The following DARS1 variants were observed in gnomAD, a reference collection of about 807,000 sequenced individuals.
The protein encoded by DARS1 is aspartyl-tRNA synthetase 1, also known as aspartate--tRNA ligase, cytoplasmic.
A neutral mutation model predicts 68.8 loss-of-function variants in DARS1; 51 were observed. That is an observed-to-expected ratio of 0.74 (90% confidence interval 0.59 to 0.94). The LOEUF is 0.94. Ranked by LOEUF, DARS1 falls within the 40% of genes least tolerant of loss-of-function variation. DARS1 has a pLI of 0.00. For synonymous variants in DARS1, 203 were observed against 190.4 expected (o/e 1.07, Z -0.55); for missense variants, 607 against 597.3 (o/e 1.02, Z -0.17).
Position 135,911,175 on chromosome 2 carries a change from G to A in DARS1, c.1378C>T (p.Arg460Cys), listed in dbSNP as rs150724981. The change falls in exon 15 of 16, where the codon CGC (arginine) becomes TGC (cysteine). Residue 460 changes from arginine to cysteine, a missense_variant. Physicochemically the swap from Arg to Cys is radical, Grantham distance 180. Coordinates refer to ENST00000264161, the MANE Select transcript of DARS1 (RefSeq NM_001349.4). ...CCAGCATGAGGAGGGGCTCCAAAGC[G>A]GAAGGAATCAATGTAAGCCTTAATT... Reference protein sequence around the residue: ...EKIKAYIDSFRFGAPPHAGGG... With the variant: ...EKIKAYIDSFCFGAPPHAGGG... 3.2e-5 allele frequency: 49 copies of A among 1,550,778 alleles called. No individual in the cohort carries two copies. The highest frequency in any genetic ancestry group is 1.7e-4 in the Middle Eastern group (1 of 5,920).
chr2:135,984,274 G>A (rs1006171637), intron 1 of DARS1, among the ~76,000 whole-genome samples: 9 of 151,998 alleles, frequency 5.9e-5, no homozygotes, highest in African/African-American at 2.2e-4. Context: ...TATCTGTAAG[G>A]GTACACTGAT....
intron 3 of DARS1, among the ~76,000 whole-genome samples, chr2:135,973,010 T>G (rs983336739): frequency 1.3e-5 from 2 of 152,220 alleles, no homozygotes; most frequent in African/African-American, 2.4e-5. Flanking sequence ...TAGAACAGTT[T>G]GGAGGTTCCT....
chr2:135,972,613 G>C (rs1250488176), intron 3 of DARS1, among the ~76,000 whole-genome samples: 1 of 152,044 alleles, frequency 6.6e-6, no homozygotes, highest in Non-Finnish European at 1.5e-5. Flanking sequence ...CACAGTAAAG[G>C]TAACAATCAA....
chr2:135,923,737 G>C (rs1326254986), intron 8 of DARS1, among the ~76,000 whole-genome samples: 1 of 152,166 alleles, frequency 6.6e-6, no homozygotes, highest in East Asian at 1.9e-4. Context: ...ATAAGAATTA[G>C]CCAGGCGTGG....
intron 3 of DARS1, among the ~76,000 whole-genome samples, chr2:135,974,336 G>A (rs309156): frequency 1.3e-5 from 2 of 152,258 alleles, no homozygotes; most frequent in South Asian, 2.1e-4. Context: ...GTGAATTTGC[G>A]AATATGCAGT....
At chr2:135,943,335 A>C in intron 5 of DARS1, 43 bp downstream of exon 5, 1 of 1,590,700 alleles carries the variant, frequency 6.3e-7, no homozygotes, top group Non-Finnish European at 8.6e-7. Flanking sequence ...ATTAGAACCC[A>C]AATCTATTTC....
At chr2:135,921,712 C>A (rs535197714) in intron 9 of DARS1, among the ~76,000 whole-genome samples, 29 of 152,178 alleles carry the variant, frequency 1.9e-4, no homozygotes, top group South Asian at 8.3e-4. Flanking sequence ...TCAACAATAC[C>A]CAGGACTTGT....
rs948266940 is a variant in DARS1 at position 135,985,507 on chromosome 2, G to T, written c.-39C>A. ...TGGGCAGTGGACACCACCCTCCCTC[G>T]CAGGCTTCCGTAAGGCAGGCCAAAG... On this transcript the variant is annotated 5_prime_UTR_variant, in exon 1 of 16. Coordinates refer to ENST00000264161, the MANE Select transcript of DARS1 (RefSeq NM_001349.4). The T allele has an allele frequency of 1.2e-6, 2 of 1,613,818 alleles. No homozygotes were observed. Among genetic ancestry groups the T allele is most frequent in the South Asian group, 1.1e-5 (1 of 91,040 alleles).
chr2:135,938,769 T>C (rs1037530739), intron 5 of DARS1, among the ~76,000 whole-genome samples: 12 of 151,966 alleles, frequency 7.9e-5, no homozygotes, highest in African/African-American at 2.9e-4. Flanking sequence ...CAGACCCATC[T>C]CACATGCAGA....
chr2:135,922,884 C>T lies in DARS1; in HGVS notation c.711G>A (p.Val237=). Reference sequence around the variant, plus strand: ...GGTATGCATTATTTTTAAAATATGACACAGTAAAAACATTGGCTCCTCCTT... The same window carrying T: ...GGTATGCATTATTTTTAAAATATGATACAGTAAAAACATTGGCTCCTCCTT... ...ASEGGANVFT[V]SYFKNNAYLA... Residue 237 remains valine (V), a synonymous_variant, in exon 9 of 16, where the codon GTG becomes GTA. Coordinates refer to ENST00000264161, the MANE Select transcript of DARS1 (RefSeq NM_001349.4). The T allele has an allele frequency of 6.4e-7, 1 of 1,572,314 alleles. No homozygotes were observed. Among genetic ancestry groups the T allele is most frequent in the Non-Finnish European group, 8.6e-7 (1 of 1,160,470 alleles).
intron 4 of DARS1, among the ~76,000 whole-genome samples, chr2:135,954,410 C>T (rs141501098): frequency 2.0e-5 from 3 of 148,924 alleles, no homozygotes; most frequent in Non-Finnish European, 4.4e-5. Context: ...ACAGTATTTA[C>T]ACCTCATGGG....
chr2:135,907,238 C>CTTTTTTTTTTTTTTTT lies in DARS1; in HGVS notation c.*77_*78insAAAAAAAAAAAAAAAA, dbSNP rs869183598. ...AGGTTACTGAAAAGAATAAGTGTGG[C>CTTTTTTTTTTTTTTTT]TTTCTTTTTTTTTTTTTTTTTTTGA... On this transcript the variant is annotated 3_prime_UTR_variant, in exon 16 of 16. Coordinates refer to ENST00000264161, the MANE Select transcript of DARS1 (RefSeq NM_001349.4). The CTTTTTTTTTTTTTTTT allele has an allele frequency of 1.1e-5, 8 of 725,360 alleles. No homozygotes were observed. The highest frequency in any genetic ancestry group is 1.2e-5 in the Non-Finnish European group (6 of 491,920). 44.9% of individuals were successfully genotyped at this position (725,360 alleles called of 1,614,324 possible).
chr2:135,907,350 A>G lies in DARS1; in HGVS notation c.1472T>C (p.Met491Thr), dbSNP rs1429962651. 1.9e-6 allele frequency: 3 copies of G among 1,609,096 alleles called. No homozygotes were observed. The highest frequency in any genetic ancestry group is 1.3e-5 in the African/African-American group (1 of 74,366). Residue 491 changes from methionine to threonine, a missense_variant, in exon 16 of 16, where the codon ATG (methionine) becomes ACG (threonine). Physicochemically the swap from Met to Thr is moderately conservative, Grantham distance 81 (BLOSUM62 -1). Coordinates refer to ENST00000264161, the MANE Select transcript of DARS1 (RefSeq NM_001349.4). The part of the protein sequence containing the change: ...LGLHNVRQTS[M>T]FPRDPKRLTP ...GAGTCGTTTGGGATCACGAGGGAAC[A>G]TGGAGGTCTGACGAACATTATGCAA...
chr2:135,952,209 A>G (rs775689152), intron 4 of DARS1, among the ~76,000 whole-genome samples: 8 of 152,134 alleles, frequency 5.3e-5, no homozygotes, highest in Non-Finnish European at 1.0e-4. Context: ...GCACCACTGC[A>G]CTCCAGCCTT....
At chr2:135,923,956 C>A (rs761540615) in intron 8 of DARS1, among the ~76,000 whole-genome samples, 21 of 151,980 alleles carry the variant, frequency 1.4e-4, no homozygotes, top group Non-Finnish European at 2.6e-4. Flanking sequence ...GGTGGAGGTT[C>A]GGTGAGCCGA....
intron 3 of DARS1, among the ~76,000 whole-genome samples, chr2:135,964,835 C>A: frequency 8.9e-6 from 1 of 112,130 alleles, no homozygotes; most frequent in Admixed American, 1.0e-4. Context: ...AGCAAGACTC[C>A]ACCTCAAAAA....
At chr2:135,936,176 C>G (rs1054081214) in intron 5 of DARS1, among the ~76,000 whole-genome samples, 1 of 152,138 alleles carries the variant, frequency 6.6e-6, no homozygotes, top group Admixed American at 6.5e-5. Context: ...AGTGATAAAG[C>G]AAAGTCACTA....
chr2:135,984,398 T>C (rs947675534), intron 1 of DARS1, among the ~76,000 whole-genome samples: 20 of 152,234 alleles, frequency 1.3e-4, no homozygotes, highest in African/African-American at 3.6e-4. Flanking sequence ...CAGCTACCTG[T>C]TGGAATCCTC....
chr2:135,924,694 C>CTT (rs1681177561), intron 7 of DARS1, among the ~76,000 whole-genome samples, 196 bp from the exon 8 acceptor site: 2 of 152,250 alleles, frequency 1.3e-5, no homozygotes, highest in South Asian at 4.1e-4. Flanking sequence ...TATATATGAT[C>CTT]ATATAAAGGA....
Sources: allele counts gnomAD v4.1 joint callset (sites outside exome capture counted in the v4.1 genomes callset), GRCh38; gene constraint gnomAD v4.1.1; transcripts MANE v1.5; gene names NCBI Gene and HGNC (gene_info 2026-07-23, HGNC 2026-07-21).